Variants in CUBN observed in about 807,000 individuals in gnomAD.
CUBN encodes 460 kDa receptor.
Under a neutral mutation model 405.3 loss-of-function variants are expected in CUBN, and 282 were observed. The ratio of observed to expected loss-of-function variants is 0.70; its 90% CI spans 0.63 to 0.77. The LOEUF (loss-of-function observed/expected upper bound fraction) is 0.77. Among genes scored for constraint, CUBN ranks in the 30% least tolerant of loss-of-function variants. CUBN has a pLI of 0.00. For missense variants in CUBN, 4,514 were observed against 4,475.2 expected (o/e 1.01, Z -0.25); for synonymous variants, 1,684 against 1,617.0 (o/e 1.04, Z -0.99).
At chr10:16,898,531 G>A (rs186108419) in intron 54 of CUBN, among the ~76,000 whole-genome samples, 10 of 152,272 alleles carry the variant, frequency 6.6e-5, no homozygotes, top group African/African-American at 2.4e-4. Context: ...TTCTAAGACA[G>A]TCATCATAGT....
At chr10:17,075,153 G>A (rs1403534465) in intron 17 of CUBN, among the ~76,000 whole-genome samples, 7 of 137,562 alleles carry the variant, frequency 5.1e-5, no homozygotes, top group East Asian at 4.4e-4. Flanking sequence ...GCACGATCTC[G>A]GATCACTGCA....
chr10:16,891,653 A>G (rs966454106), intron 54 of CUBN, among the ~76,000 whole-genome samples: 2 of 152,206 alleles, frequency 1.3e-5, no homozygotes, highest in Admixed American at 1.3e-4. Context: ...ATGGTTATCT[A>G]CAATGCTGAG....
chr10:16,843,127 ACT>A (rs1391532962), intron 60 of CUBN, among the ~76,000 whole-genome samples: 9 of 152,182 alleles, frequency 5.9e-5, no homozygotes, highest in Admixed American at 1.3e-4. Flanking sequence ...GGAGACAGAG[ACT>A]CTGTCTGACT....
rs1835657476 is a variant in CUBN at position 17,068,243 on chromosome 10, A to G, written c.2829T>C (p.Ile943=). The change falls in exon 21 of 67, where the codon ATT becomes ATC. Residue 943 remains isoleucine (I), a synonymous_variant. Transcript: ENST00000377833. ...GEILTESTGT[I]QSPGHPNVYP... The stretch of plus-strand genomic sequence containing the variant: ...AGACATTTGGATGGCCAGGACTTTG[A>G]ATGGTCCCTGTTGATTCTGTAAGAA... The G allele has an allele frequency of 6.2e-7, 1 of 1,613,608 alleles. No individual in the cohort carries two copies. The highest frequency in any genetic ancestry group is 8.5e-7 in the Non-Finnish European group (1 of 1,179,700).
intron 6 of CUBN, among the ~76,000 whole-genome samples, chr10:17,117,151 ATC>A (rs1350469204): frequency 6.6e-6 from 1 of 151,572 alleles, no homozygotes; most frequent in Non-Finnish European, 1.5e-5. Context: ...TATTCCCCGC[ATC>A]TCTCTCTACT....
At chr10:17,046,166 G>A (rs1206931926) in intron 23 of CUBN, 72 bp from the exon 24 acceptor site, 2 of 1,412,696 alleles carry the variant, frequency 1.4e-6, no homozygotes, top group African/African-American at 2.8e-5. Flanking sequence ...AACATAATTT[G>A]AACTTTGGGA....
chr10:16,869,923 G>A, intron 58 of CUBN, 70 bp from the exon 59 acceptor site: 1 of 1,172,910 alleles, frequency 8.5e-7, no homozygotes, highest in Non-Finnish European at 1.3e-6. Context: ...TTTAGCTCTT[G>A]CAAAAAAAAT....
intron 22 of CUBN, among the ~76,000 whole-genome samples, chr10:17,054,586 AG>A (rs1321026855): frequency 5.3e-5 from 8 of 152,018 alleles, no homozygotes; most frequent in Non-Finnish European, 1.2e-4. Flanking sequence ...AACTGATCAA[AG>A]AAAAAAGAAA....
intron 58 of CUBN, among the ~76,000 whole-genome samples, chr10:16,873,946 C>T (rs547393666): frequency 1.3e-5 from 2 of 152,250 alleles, no homozygotes; most frequent in Middle Eastern, 3.4e-3. Context: ...TCTATATATA[C>T]CTCATATGAC....
intron 22 of CUBN, among the ~76,000 whole-genome samples, chr10:17,051,260 C>T (rs1365608911): frequency 2.6e-5 from 4 of 152,170 alleles, no homozygotes; most frequent in African/African-American, 9.6e-5. Context: ...ACTCAGGAGG[C>T]TAAGGCAGGA....
rs906345156 is a variant in CUBN at position 16,948,647 on chromosome 10, A to G, written c.5081-41T>C. The G allele has an allele frequency of 3.1e-6, 5 of 1,610,488 alleles. No individual in the cohort carries two copies. In the Admixed American group the frequency reaches 8.4e-5, roughly 27 times the overall value. On this transcript the variant is annotated intron_variant, in intron 34 of 66. Transcript: ENST00000377833. ...AATGACAAGGAGAATGAATGACAAC[A>G]TGGCAGAGACCGCTGTTTCTAGGAA...
At position 17,104,546 on chromosome 10, in the gene CUBN, T is replaced by C; in HGVS notation, c.1290A>G (p.Thr430=). The C allele has an allele frequency of 6.2e-7, 1 of 1,613,924 alleles. No individual in the cohort carries two copies. The highest frequency in any genetic ancestry group is 8.5e-7 in the Non-Finnish European group (1 of 1,179,988). ...TGCTCAAACACTCATTGATGTTTTCTGTACAGTTGACACCTGTCCAACCTG... is the reference window on the plus strand; with the variant it reads ...TGCTCAAACACTCATTGATGTTTTCCGTACAGTTGACACCTGTCCAACCTG... ...CDSGWTGVNC[T]ENINECLSNP... Residue 430 remains threonine, a synonymous_variant, in exon 12 of 67, where the codon ACA becomes ACG. Coordinates refer to ENST00000377833, the MANE Select transcript of CUBN (RefSeq NM_001081.4).
chr10:17,102,918 CCT>C (rs2131299396), intron 13 of CUBN, among the ~76,000 whole-genome samples: 1 of 151,958 alleles, frequency 6.6e-6, no homozygotes, highest in Non-Finnish European at 1.5e-5. Flanking sequence ...GCACCCAGCC[CCT>C]GTGACTTATT....
intron 31 of CUBN, among the ~76,000 whole-genome samples, chr10:16,973,801 T>C (rs1833008842): frequency 6.6e-6 from 1 of 152,212 alleles, no homozygotes. Flanking sequence ...TCCATCCATG[T>C]TGCTGAAAAG....
rs189036811 is a variant in CUBN, at chr10:16,977,912, C to T, written c.4695+4572G>A. On this transcript the variant is annotated intron_variant, in intron 31 of 66. Transcript: ENST00000377833. Reference sequence around the variant, plus strand: ...CCTGTAACGGAGGTCAGGGAACTCTCTTATTTAATCGGCTATTACACATGA... The same window carrying T: ...CCTGTAACGGAGGTCAGGGAACTCTTTTATTTAATCGGCTATTACACATGA... 1.0e-3 allele frequency among the ~76,000 whole-genome samples: 158 copies of T among 152,328 alleles called. 1 individual carries two copies. The highest frequency in any genetic ancestry group is 3.3e-3 in the African/African-American group (137 of 41,566).
intron 14 of CUBN, among the ~76,000 whole-genome samples, chr10:17,093,889 G>A (rs1378469356): frequency 1.3e-5 from 2 of 151,852 alleles, no homozygotes; most frequent in Non-Finnish European, 2.9e-5. Flanking sequence ...AAAAAAAGAA[G>A]GCAAGAATAT....
intron 27 of CUBN, among the ~76,000 whole-genome samples, chr10:17,028,066 C>T (rs1834709090): frequency 6.6e-6 from 1 of 151,856 alleles, no homozygotes; most frequent in Non-Finnish European, 1.5e-5. Flanking sequence ...ACATATGTTT[C>T]GATAGTCACT....
chr10:16,983,686 G>A (rs3012492), intron 30 of CUBN, among the ~76,000 whole-genome samples: 108,640 of 152,136 alleles, frequency 0.71, 41,383 homozygotes, highest in Non-Finnish European at 0.86. Flanking sequence ...TATTTAGACT[G>A]CCTAAAATCT....
rs151303316 is a variant in CUBN at position 16,904,012 on chromosome 10, G to A, written c.8016C>T (p.Asn2672=). The part of the protein sequence containing the change: ...YSQVWIHFVT[N]ERVEHIGFHA... ...GGAATCCAATGTGTTCTACACGTTC[G>A]TTGGTGACAAAGTGAATCCATACCT... Residue 2672 remains asparagine, a synonymous_variant, in exon 51 of 67, where the codon AAC becomes AAT. Coordinates refer to ENST00000377833, the MANE Select transcript of CUBN (RefSeq NM_001081.4). 2.7e-5 allele frequency: 43 copies of A among 1,613,124 alleles called. No homozygotes were observed. The highest frequency in any genetic ancestry group is 3.3e-5 in the Admixed American group (2 of 59,970).
Sources: allele counts gnomAD v4.1 joint callset (sites outside exome capture counted in the v4.1 genomes callset), GRCh38; gene constraint gnomAD v4.1.1; transcripts MANE v1.5; gene names NCBI Gene and HGNC (gene_info 2026-07-23, HGNC 2026-07-21).